The following BLK variants were observed in gnomAD, a reference collection of about 807,000 sequenced individuals.
The protein encoded by BLK is BLK proto-oncogene, Src family tyrosine kinase.
Under a neutral mutation model 61.8 loss-of-function variants are expected in BLK, and 64 were observed. That is an observed-to-expected ratio of 1.03 (90% confidence interval 0.85 to 1.27). The LOEUF is 1.27. Ranked by LOEUF, BLK falls within the 50% of genes most tolerant of loss-of-function variation. The pLI is 0.00. For synonymous variants in BLK, 351 were observed against 272.0 expected (o/e 1.29, Z -2.86); for missense variants, 853 against 660.5 (o/e 1.29, Z -3.19).
chr8:11,561,569 G>T (rs891977539), intron 11 of BLK, 117 bp downstream of exon 11: 16 of 1,330,986 alleles, frequency 1.2e-5, no homozygotes, highest in Non-Finnish European at 1.2e-5. Context: ...GGGCTATACG[G>T]TTTCTACAGC....
At chr8:11,509,671 G>C (rs984125069) in intron 1 of BLK, 1 of 152,186 alleles carries the variant, frequency 6.6e-6, no homozygotes, top group Non-Finnish European at 1.5e-5. Flanking sequence ...ACCACTTAGA[G>C]GGGCAGTCTG....
rs1323310464 is a variant in BLK, at chr8:11,563,919, G to A, written c.1329G>A (p.Glu443=). 2 of 1,609,018 alleles carry A rather than the reference G, an allele frequency of 1.2e-6. No individual in the cohort carries two copies. Among genetic ancestry groups the A allele is most frequent in the Non-Finnish European group, 1.7e-6 (2 of 1,179,450 alleles). The change falls in exon 13 of 13, where the codon GAG becomes GAA. Residue 443 remains glutamate, a synonymous_variant. Coordinates refer to ENST00000259089, the MANE Select transcript of BLK (RefSeq NM_001715.3). ...CTGCCGCAGGGATGAGCAACCCCGAGGTCATCCGCAACCTGGAGCGCGGCT... is the reference window on the plus strand; with the variant it reads ...CTGCCGCAGGGATGAGCAACCCCGAAGTCATCCGCAACCTGGAGCGCGGCT... ...RVPYPGMSNP[E]VIRNLERGYR... is the part of the protein sequence containing the mutation.
At chr8:11,519,300 G>A (rs1173143168) in intron 1 of BLK, among the ~76,000 whole-genome samples, 1 of 152,176 alleles carries the variant, frequency 6.6e-6, no homozygotes. Flanking sequence ...CACTGTCACA[G>A]CGTTTCTGGA....
At chr8:11,502,498 G>A (rs543966472) in intron 1 of BLK, among the ~76,000 whole-genome samples, 1 of 152,124 alleles carries the variant, frequency 6.6e-6, no homozygotes, top group South Asian at 2.1e-4. Flanking sequence ...GAGTTAGCCA[G>A]GCTGGTCTTG....
chr8:11,518,808 G>C (rs973885713), intron 1 of BLK, among the ~76,000 whole-genome samples: 1 of 152,190 alleles, frequency 6.6e-6, no homozygotes, highest in African/African-American at 2.4e-5. Context: ...TCTGCTCCAA[G>C]TGCAGGGAGC....
At chr8:11,554,285 C>A (rs1425687225) in intron 6 of BLK, 2 of 231,286 alleles carry the variant, frequency 8.6e-6, no homozygotes, top group Non-Finnish European at 1.7e-5. Flanking sequence ...ATTACGGTGT[C>A]CGCCATGGAC....
chr8:11,530,173 AT>A (rs555122295), intron 1 of BLK, among the ~76,000 whole-genome samples: 1 of 152,168 alleles, frequency 6.6e-6, no homozygotes, highest in Non-Finnish European at 1.5e-5. Flanking sequence ...CTTTGCTGGA[AT>A]TTTTTTCATA....
chr8:11,542,148 C>T (rs898860677), intron 1 of BLK, among the ~76,000 whole-genome samples: 2 of 152,072 alleles, frequency 1.3e-5, no homozygotes, highest in African/African-American at 4.8e-5. Context: ...TTCACTTAAT[C>T]GAAGACGCCA....
chr8:11,525,733 A>G (rs1349872047), intron 1 of BLK, among the ~76,000 whole-genome samples: 1 of 152,176 alleles, frequency 6.6e-6, no homozygotes, highest in African/African-American at 2.4e-5. Context: ...GGAATGGAGC[A>G]GCTTTTGTGG....
At chr8:11,504,770 C>G (rs1291565064) in intron 1 of BLK, among the ~76,000 whole-genome samples, 1 of 152,184 alleles carries the variant, frequency 6.6e-6, no homozygotes, top group Admixed American at 6.5e-5. Context: ...AGGGTGCTGG[C>G]ATATTTAGTG....
At chr8:11,522,030 G>T (rs889590363) in intron 1 of BLK, among the ~76,000 whole-genome samples, 7 of 152,170 alleles carry the variant, frequency 4.6e-5, no homozygotes, top group African/African-American at 1.2e-4. Flanking sequence ...GCCTCTTAAT[G>T]ATGAGTCCTC....
At chr8:11,550,484 C>T (rs533782121) in intron 6 of BLK, among the ~76,000 whole-genome samples, 6 of 152,268 alleles carry the variant, frequency 3.9e-5, no homozygotes, top group East Asian at 1.9e-4. Context: ...CACAGGAAGC[C>T]GGGTGGACAG....
At chr8:11,535,710 T>C (rs1278888822) in intron 1 of BLK, among the ~76,000 whole-genome samples, 3 of 152,186 alleles carry the variant, frequency 2.0e-5, no homozygotes, top group Admixed American at 6.5e-5. Context: ...TTAGCATCAC[T>C]AAAATGGTGC....
At chr8:11,521,174 G>A (rs558127009) in intron 1 of BLK, among the ~76,000 whole-genome samples, 1 of 152,050 alleles carries the variant, frequency 6.6e-6, no homozygotes, top group African/African-American at 2.4e-5. Context: ...AAGAAAAATG[G>A]CTTTTAAAAA....
chr8:11,520,571 C>T (rs1366192863), intron 1 of BLK, among the ~76,000 whole-genome samples: 1 of 150,968 alleles, frequency 6.6e-6, no homozygotes, highest in African/African-American at 2.4e-5. Flanking sequence ...TCAAAGGCAT[C>T]CCTGTAAAAG....
Position 11,554,757 on chromosome 8 carries a change from T to C in BLK, c.487T>C (p.Ser163Pro). The change falls in exon 7 of 13, where the codon TCT (serine) becomes CCT (proline). Residue 163 changes from serine (S) to proline (P), a missense_variant. By Grantham distance (74) the Ser-to-Pro change is moderately conservative. Coordinates refer to ENST00000259089, the MANE Select transcript of BLK (RefSeq NM_001715.3). ...SETNKGAFSL[S>P]VKDVTTQGEL... ...GAACCCTCCAGGTGCCTTCTCCCTG[T>C]CTGTGAAGGATGTCACCACCCAGGG... is the stretch of plus-strand genomic sequence containing the variant. 6.2e-7 allele frequency: 1 copy of C among 1,613,836 alleles called. No homozygotes were observed. The highest frequency in any genetic ancestry group is 1.1e-5 in the South Asian group (1 of 91,074).
At chr8:11,502,617 A>G (rs1004735323) in intron 1 of BLK, among the ~76,000 whole-genome samples, 1 of 152,200 alleles carries the variant, frequency 6.6e-6, no homozygotes, top group Non-Finnish European at 1.5e-5. Context: ...AATCTTGCAT[A>G]ATGATTTGAA....
At chr8:11,499,270 C>T (rs559142890) in intron 1 of BLK, among the ~76,000 whole-genome samples, 10 of 152,300 alleles carry the variant, frequency 6.6e-5, no homozygotes, top group African/African-American at 1.7e-4. Flanking sequence ...ACCGGCTATG[C>T]CACAGAGCCT....
intron 1 of BLK, among the ~76,000 whole-genome samples, chr8:11,497,485 C>T (rs999763459): frequency 2.0e-5 from 3 of 152,194 alleles, no homozygotes. Flanking sequence ...CACCAGCACA[C>T]ACCCAGGGCT....
Sources: allele counts gnomAD v4.1 joint callset (sites outside exome capture counted in the v4.1 genomes callset), GRCh38; gene constraint gnomAD v4.1.1; transcripts MANE v1.5; gene names NCBI Gene and HGNC (gene_info 2026-07-23, HGNC 2026-07-21).